LOC400499: variants seen among roughly 807,000 people sequenced by gnomAD.
At chr16:11,392,741 G>GA in the LOC400499 span, 5 of 953,986 alleles carry the variant, frequency 5.2e-6, no homozygotes, top group East Asian at 5.8e-4. Flanking sequence ...GTTTCCTGAG[G>GA]TTTTTTTTTG....
chr16:11,454,289 T>A, the LOC400499 span, among the ~76,000 whole-genome samples: 1 of 152,256 alleles, frequency 6.6e-6, no homozygotes, highest in Non-Finnish European at 1.5e-5. Context: ...AATGTTTGTA[T>A]TCTGTGATGG....
the LOC400499 span, chr16:11,396,521 C>G: frequency 1.1e-5 from 14 of 1,232,184 alleles, no homozygotes; most frequent in Admixed American, 8.4e-5. Flanking sequence ...CTCCAGTGCC[C>G]CGGAGAAGTC....
the LOC400499 span, chr16:11,457,236 C>A: frequency 1.8e-6 from 1 of 554,130 alleles, no homozygotes; most frequent in Non-Finnish European, 3.2e-6. Context: ...AATTCTCATA[C>A]GCTGATGGTG....
At chr16:11,459,283 G>A in the LOC400499 span, among the ~76,000 whole-genome samples, 2 of 134,536 alleles carry the variant, frequency 1.5e-5, no homozygotes, top group Non-Finnish European at 3.1e-5. Context: ...TGCAAGCTCC[G>A]CCTCTGGGGT....
chr16:11,439,432 C>A, the LOC400499 span: 1 of 398,798 alleles, frequency 2.5e-6, no homozygotes, highest in South Asian at 1.3e-4. Flanking sequence ...GCCAGCTGCT[C>A]AGAGACAACC....
At chr16:11,487,701 T>C in the LOC400499 span, among the ~76,000 whole-genome samples, 1 of 152,188 alleles carries the variant, frequency 6.6e-6, no homozygotes, top group East Asian at 1.9e-4. Context: ...TTTTATTTTC[T>C]GTTTAATTAC....
chr16:11,471,785 C>T, the LOC400499 span: 14 of 399,190 alleles, frequency 3.5e-5, no homozygotes, highest in Non-Finnish European at 4.4e-5. Context: ...CAGGTCACTC[C>T]AGTGCACAGT....
chr16:11,486,391 G>A, the LOC400499 span, among the ~76,000 whole-genome samples: 1 of 121,458 alleles, frequency 8.2e-6, no homozygotes, highest in African/African-American at 3.5e-5. Context: ...GTGTGGTTTG[G>A]TAAATGGATT....
At chr16:11,468,942 A>G in the LOC400499 span, among the ~76,000 whole-genome samples, 466 of 152,334 alleles carry the variant, frequency 3.1e-3, 2 homozygotes, top group African/African-American at 0.01. Flanking sequence ...TCTTAAAAGC[A>G]TGTTTTTGTG....
At chr16:11,480,128 AC>A in the LOC400499 span, among the ~76,000 whole-genome samples, 2 of 151,888 alleles carry the variant, frequency 1.3e-5, no homozygotes, top group African/African-American at 4.8e-5. Context: ...AGTCCCCACC[AC>A]TCCCTATTGT....
chr16:11,379,052 T>G, the LOC400499 span, among the ~76,000 whole-genome samples: 1 of 152,116 alleles, frequency 6.6e-6, no homozygotes, highest in African/African-American at 2.4e-5. Flanking sequence ...TCACCTGAGG[T>G]CAGGAGTTCA....
chr16:11,404,842 A>G, the LOC400499 span: 2 of 398,856 alleles, frequency 5.0e-6, no homozygotes, highest in African/African-American at 4.1e-5. Flanking sequence ...GTCTGCAGGA[A>G]CAGCTCCCTG....
the LOC400499 span, among the ~76,000 whole-genome samples, chr16:11,449,714 C>G: frequency 6.6e-6 from 1 of 152,246 alleles, no homozygotes; most frequent in African/African-American, 2.4e-5. Flanking sequence ...TCCCATGTCA[C>G]TGATCCTTGG....
At chr16:11,384,657 G>C in the LOC400499 span, among the ~76,000 whole-genome samples, 2,940 of 152,316 alleles carry the variant, frequency 0.019, 97 homozygotes, top group African/African-American at 0.062. Context: ...CTGGAGCCGC[G>C]TGTCCCACGG....
chr16:11,383,231 A>C, the LOC400499 span, among the ~76,000 whole-genome samples: 1 of 151,560 alleles, frequency 6.6e-6, no homozygotes, highest in African/African-American at 2.4e-5. Flanking sequence ...ATGCCCGGCT[A>C]ATTTTTTTTG....
the LOC400499 span, chr16:11,401,143 G>T: frequency 2.5e-6 from 1 of 397,872 alleles, no homozygotes; most frequent in Non-Finnish European, 4.4e-6. Context: ...TGATTCCGGA[G>T]AAGTCTTTGT....
At chr16:11,378,276 AG>A in the LOC400499 span, among the ~76,000 whole-genome samples, 1 of 80,088 alleles carries the variant, frequency 1.2e-5, no homozygotes, top group Non-Finnish European at 2.5e-5. Context: ...TGCCGGGGGG[AG>A]GGGGGAGGTG....
At chr16:11,495,539 C>T in the LOC400499 span, among the ~76,000 whole-genome samples, 1 of 152,180 alleles carries the variant, frequency 6.6e-6, no homozygotes. Flanking sequence ...TGCCACCACC[C>T]TTGGCTCATT....
the LOC400499 span, chr16:11,440,949 T>C: frequency 1.0e-5 from 4 of 398,992 alleles, no homozygotes; most frequent in African/African-American, 2.1e-5. Flanking sequence ...CTGGTAGGAA[T>C]GGGCCAAGTC....
Sources: gnomAD v4.1 joint callset for allele counts (sites outside exome capture counted in the v4.1 genomes callset) on GRCh38, gnomAD v4.1.1 for gene constraint, MANE v1.5 for transcripts.